The following CTNNA3 variants were observed in gnomAD, a reference collection of about 807,000 sequenced individuals.
CTNNA3 encodes the protein catenin alpha-3.
Under a neutral mutation model 95.7 loss-of-function variants are expected in CTNNA3, and 76 were observed. The observed-to-expected ratio is 0.79, with a 90% CI of 0.66 to 0.96. The LOEUF is 0.96. CTNNA3 is among the 40% of genes least tolerant of loss of function. The pLI, the probability that CTNNA3 is intolerant of heterozygous loss-of-function variation, is 0.00. For synonymous variants in CTNNA3, 431 were observed against 374.4 expected, an observed-to-expected ratio of 1.15 and a Z score of -1.74; for missense variants, 1,191 against 1,089.8, an observed-to-expected ratio of 1.09 and a Z score of -1.31.
chr10:66,534,344 G>A (rs1252694449), intron 10 of CTNNA3, among the ~76,000 whole-genome samples: 4 of 151,890 alleles, frequency 2.6e-5, no homozygotes, highest in African/African-American at 9.7e-5. Flanking sequence ...AAATTGACCT[G>A]AAACAAAGTT....
chr10:66,372,266 A>C (rs12266156), intron 12 of CTNNA3, among the ~76,000 whole-genome samples: 1 of 152,192 alleles, frequency 6.6e-6, no homozygotes, highest in Non-Finnish European at 1.5e-5. Context: ...CCTTCAGCAC[A>C]TAAAGATCCA....
At chr10:66,970,509 G>GGGC (rs894279706) in intron 7 of CTNNA3, among the ~76,000 whole-genome samples, 5 of 137,866 alleles carry the variant, frequency 3.6e-5, no homozygotes, top group African/African-American at 7.8e-5. Context: ...GGGTGGGGGG[G>GGGC]GGATACAATT....
chr10:67,102,147 C>T (rs1438344382), intron 7 of CTNNA3, among the ~76,000 whole-genome samples: 1 of 151,702 alleles, frequency 6.6e-6, no homozygotes, highest in African/African-American at 2.4e-5. Flanking sequence ...TAAGAAAGAG[C>T]TTCCAACTCC....
intron 5 of CTNNA3, among the ~76,000 whole-genome samples, chr10:67,230,866 C>T (rs561790983): frequency 1.2e-4 from 18 of 152,294 alleles, no homozygotes; most frequent in South Asian, 6.2e-4. Flanking sequence ...ACTCGGGAAG[C>T]GCAGGGGGTC....
chr10:66,938,725 T>C (rs939405821), intron 7 of CTNNA3, among the ~76,000 whole-genome samples: 18 of 152,200 alleles, frequency 1.2e-4, no homozygotes, highest in African/African-American at 3.9e-4. Flanking sequence ...ATTGCTTGTG[T>C]GTTGTGAATA....
intron 9 of CTNNA3, among the ~76,000 whole-genome samples, chr10:66,668,012 C>A (rs951538446): frequency 6.6e-6 from 1 of 152,146 alleles, no homozygotes; most frequent in Non-Finnish European, 1.5e-5. Context: ...TACTCACTAT[C>A]AAATCAGATT....
At chr10:66,542,655 G>A (rs1329229140) in intron 10 of CTNNA3, among the ~76,000 whole-genome samples, 4 of 149,478 alleles carry the variant, frequency 2.7e-5, no homozygotes, top group South Asian at 2.1e-4. Context: ...ACCAAACACC[G>A]CATGTTCTCA....
chr10:67,482,378 T>A (rs1330468768), intron 5 of CTNNA3, among the ~76,000 whole-genome samples: 2 of 152,156 alleles, frequency 1.3e-5, no homozygotes, highest in Admixed American at 1.3e-4. Flanking sequence ...TTCCTACCCA[T>A]GAGCATGGAA....
intron 13 of CTNNA3, among the ~76,000 whole-genome samples, chr10:66,111,904 T>C (rs976656506): frequency 6.6e-6 from 1 of 152,216 alleles, no homozygotes; most frequent in African/African-American, 2.4e-5. Context: ...ATGCTTAAAT[T>C]CCTTGACCTT....
At chr10:66,730,215 G>C (rs754630846) in intron 9 of CTNNA3, among the ~76,000 whole-genome samples, 1 of 152,022 alleles carries the variant, frequency 6.6e-6, no homozygotes, top group Non-Finnish European at 1.5e-5. Context: ...GCCTGTTAAT[G>C]ATAGACTGGA....
At chr10:66,714,220 C>T (rs1848383624) in intron 9 of CTNNA3, among the ~76,000 whole-genome samples, 1 of 152,068 alleles carries the variant, frequency 6.6e-6, no homozygotes, top group Non-Finnish European at 1.5e-5. Flanking sequence ...AAATAACTTT[C>T]CCTCTTCTTT....
chr10:67,319,598 C>CA, intron 5 of CTNNA3, among the ~76,000 whole-genome samples: 1 of 152,140 alleles, frequency 6.6e-6, no homozygotes, highest in South Asian at 2.1e-4. Context: ...TTTGAAGATT[C>CA]AAAATTCTAA....
intron 2 of CTNNA3, among the ~76,000 whole-genome samples, chr10:67,626,396 T>C (rs1589504682): frequency 6.6e-6 from 1 of 152,186 alleles, no homozygotes; most frequent in South Asian, 2.1e-4. Context: ...TGGAGATGTC[T>C]TGTGCTCCCT....
At chr10:66,877,037 A>G (rs1366308055) in intron 7 of CTNNA3, among the ~76,000 whole-genome samples, 1 of 152,152 alleles carries the variant, frequency 6.6e-6, no homozygotes, top group Admixed American at 6.6e-5. Context: ...GAAGACGCTC[A>G]GGACAGAGAA....
intron 7 of CTNNA3, among the ~76,000 whole-genome samples, chr10:67,059,464 A>G (rs1855631711): frequency 1.3e-5 from 2 of 152,212 alleles, no homozygotes; most frequent in Non-Finnish European, 2.9e-5. Flanking sequence ...GAGACACTCG[A>G]TGGCAAGAAT....
At chr10:66,231,058 A>T (rs1177542795) in intron 13 of CTNNA3, among the ~76,000 whole-genome samples, 1 of 151,968 alleles carries the variant, frequency 6.6e-6, no homozygotes, top group Non-Finnish European at 1.5e-5. Flanking sequence ...GGGTCTTTGG[A>T]GGTGAAGAGG....
chr10:66,315,121 G>C (rs1391953120), intron 12 of CTNNA3, among the ~76,000 whole-genome samples: 1 of 151,938 alleles, frequency 6.6e-6, no homozygotes, highest in African/African-American at 2.4e-5. Context: ...TACTGAGATA[G>C]CTTATTGCTC....
chr10:65,981,414 C>T (rs2078316425), intron 16 of CTNNA3, among the ~76,000 whole-genome samples: 1 of 151,918 alleles, frequency 6.6e-6, no homozygotes, highest in Non-Finnish European at 1.5e-5. Flanking sequence ...TAAAAATGAC[C>T]AGACTTCCAA....
chr10:66,787,084 T>G (rs1840778578), intron 7 of CTNNA3, among the ~76,000 whole-genome samples: 1 of 152,324 alleles, frequency 6.6e-6, no homozygotes, highest in East Asian at 1.9e-4. Flanking sequence ...AATACTGATG[T>G]GGAGAAAAAA....
Sources: allele counts gnomAD v4.1 joint callset (sites outside exome capture counted in the v4.1 genomes callset), GRCh38; gene constraint gnomAD v4.1.1; transcripts MANE v1.5; gene names NCBI Gene and HGNC (gene_info 2026-07-23, HGNC 2026-07-21).